The following LILRA6 variants were observed in gnomAD, a reference collection of about 807,000 sequenced individuals.
LILRA6 encodes leukocyte immunoglobulin-like receptor subfamily A member 6.
In LILRA6, 16 loss-of-function variants were observed where a neutral mutation model predicts 53.9. That is an observed-to-expected ratio of 0.30 (90% CI 0.20 to 0.45). The LOEUF (loss-of-function observed/expected upper bound fraction) is 0.45, where lower values mean the gene tolerates loss of function less well. Among genes scored for constraint, LILRA6 ranks in the 20% least tolerant of loss-of-function variants. LILRA6 has a pLI of 1.00. For synonymous variants in LILRA6, 135 were observed against 256.4 expected (o/e 0.53, Z 4.52); for missense variants, 306 against 618.6 (o/e 0.49, Z 5.36).
downstream of LILRA6, chr19:54,237,420 G>A (rs2078653094): frequency 6.6e-6 from 1 of 150,738 alleles, no homozygotes; most frequent in African/African-American, 2.5e-5. Flanking sequence ...AACCTTTATT[G>A]GATCGTTACA....
exon 3 of LILRA6, chr19:54,242,175 C>A (rs620207): frequency 0.53 from 694,640 of 1,306,374 alleles, 169,114 homozygotes; most frequent in South Asian, 0.57. Flanking sequence ...ATTTCTGTCC[C>A]AGGGCTCTGG....
exon 4 of LILRA6, chr19:54,241,745 G>T (rs780135080): frequency 6.9e-7 from 1 of 1,453,254 alleles, no homozygotes. Flanking sequence ...GGGTCCGGGG[G>T]AGCTGGTGTT....
rs1468250082 is a variant in LILRA6 at position 54,241,798 on chromosome 19, A to G, written c.436T>C (p.Ser146Pro). Residue 146 changes from serine to proline, a missense_variant, in exon 4 of 8, where the codon TCA becomes CCA. Physicochemically the swap from Ser to Pro is moderately conservative, Grantham distance 74. This residue lies in a region of LILRA6 where 35 missense variants were observed against 39.5 expected (regional missense o/e 0.89). Coordinates refer to ENST00000396365, the Ensembl canonical transcript of LILRA6. ...ACAAAATGGTGATATCCCTTCTGTG[A>G]GCCACATTGGAGGGTCATATTCCCC... 8 of 1,331,026 alleles carry G rather than the reference A, an allele frequency of 6.0e-6. No homozygotes were observed. The East Asian group carries it at 1.8e-4, about 31-fold the overall frequency. 82.5% of individuals were successfully genotyped at this position (1,331,026 alleles called of 1,614,324 possible).
intron 7 of LILRA6, 37 bp downstream of exon 7, chr19:54,239,864 G>C: frequency 6.4e-7 from 1 of 1,551,560 alleles, no homozygotes; most frequent in South Asian, 1.2e-5. Context: ...ACTGCCCTGG[G>C]GGAGGCGGCG....
Position 54,239,324 on chromosome 19 carries a change from T to C in LILRA6, c.1310-235A>G. ...GCCTCTCCCCTGGGCTCTGCGTTCT[T>C]ATTCTTCCAGGCCTCATGACGTGGC... On this transcript the variant is annotated intron_variant, in intron 7 of 7. Coordinates refer to ENST00000396365, the Ensembl canonical transcript of LILRA6. 4 of 1,330,042 alleles carry C rather than the reference T, an allele frequency of 3.0e-6. 1 individual carries two copies. Among genetic ancestry groups the C allele is most frequent in the East Asian group, 5.1e-5 (2 of 39,220 alleles). The allele number at this position is 1,330,042 out of a possible 1,614,324, so 82.4% of individuals were successfully genotyped here.
Position 54,241,706 on chromosome 19 carries a change from C to T in LILRA6, c.528G>A (p.Gly176=), listed in dbSNP as rs762415153. 9.3e-6 allele frequency: 14 copies of T among 1,502,086 alleles called. 1 individual carries two copies. Among genetic ancestry groups the T allele is most frequent in the Non-Finnish European group, 1.3e-5 (14 of 1,109,822 alleles). The allele number at this position is 1,502,086 out of a possible 1,614,324, so 93.0% of individuals were successfully genotyped here. A position where few individuals can be genotyped will look rare whatever the true frequency, so the allele number is the denominator to read the frequency against. Residue 176 remains glycine, a synonymous_variant, in exon 4 of 8, where the codon GGG becomes GGA. Coordinates refer to ENST00000396365, the Ensembl canonical transcript of LILRA6. Reference sequence around the variant, plus strand: ...GGCCCACAGGGAACAGGGCCTGGAACCCCCCACTGTGGAGCTGCTGTGAGT... The same window carrying T: ...GGCCCACAGGGAACAGGGCCTGGAATCCCCCACTGTGGAGCTGCTGTGAGT...
chr19:54,242,561 G>C lies in LILRA6; in HGVS notation c.35-7C>G, dbSNP rs780467214. 3.7e-6 allele frequency: 4 copies of C among 1,079,692 alleles called. No individual in the cohort carries two copies. The African/African-American group carries it at 7.7e-5, about 21-fold the overall frequency. The allele number at this position is 1,079,692 out of a possible 1,614,324, so 66.9% of individuals were successfully genotyped here. ...CTGGGGCCCAGACTCAGCCCTGGAAGAGAATTCCCTGTGAGGCATTTGCCC... is the reference window on the plus strand; with the variant it reads ...CTGGGGCCCAGACTCAGCCCTGGAACAGAATTCCCTGTGAGGCATTTGCCC... On this transcript the variant is annotated splice_region_variant and splice_polypyrimidine_tract_variant and intron_variant, in intron 1 of 7. Coordinates refer to ENST00000396365, the Ensembl canonical transcript of LILRA6.
At position 54,240,302 on chromosome 19, in the gene LILRA6, G is replaced by A. The variant is rs1456243783; in HGVS notation, c.1230C>T (p.Pro410=). 3.1e-6 allele frequency: 5 copies of A among 1,603,584 alleles called. No individual in the cohort carries two copies. The Admixed American group carries it at 6.7e-5, about 21-fold the overall frequency. ...AGACCATGAGTTCCAGGGGCTCACT[G>A]GGGAAAGACAGCAGGTGGGGGTTGG... The change falls in exon 6 of 8, where the codon CCC becomes CCT. Residue 410 remains proline (P), a synonymous_variant. Transcript: ENST00000396365.
intron 7 of LILRA6, 151 bp from the exon 8 acceptor site, chr19:54,239,240 T>G: frequency 6.5e-7 from 1 of 1,539,928 alleles, no homozygotes. Flanking sequence ...TGTTTTGTGA[T>G]GGGGTGAGGG....
In LILRA6 at chr19:54,238,562, C is replaced by T. The variant is rs1162188652; in HGVS notation, c.*391G>A. On this transcript the variant is annotated 3_prime_UTR_variant, in exon 8 of 8. Coordinates refer to ENST00000396365, the Ensembl canonical transcript of LILRA6. ...ATAGGCTGTAGATTTTGTTCCAGAA[C>T]CTCCTGGGATCATCAGATTGAACAC... The T allele has an allele frequency of 1.4e-5, 3 of 213,392 alleles. 1 individual carries two copies. The highest frequency in any genetic ancestry group is 2.4e-5 in the African/African-American group (1 of 42,446). 13.2% of individuals were successfully genotyped at this position (213,392 alleles called of 1,614,324 possible).
Position 54,242,033 on chromosome 19 carries a change from CA to C in LILRA6, c.347del (p.Val116GlyfsTer2). 7.0e-7 allele frequency: 1 copy of C among 1,419,912 alleles called. No individual in the cohort carries two copies. Among genetic ancestry groups the C allele is most frequent in the Non-Finnish European group, 9.6e-7 (1 of 1,047,026 alleles). The allele number at this position is 1,419,912 out of a possible 1,614,324, so 88.0% of individuals were successfully genotyped here. A position where few individuals can be genotyped will look rare whatever the true frequency, so the allele number is the denominator to read the frequency against. On this transcript the variant is annotated frameshift_variant, in exon 3 of 8. Transcript: ENST00000396365. LOFTEE classifies it high-confidence loss of function. ...CCCAGAGTGTCCTCTCACCTGTCAT[CA>C]CCAGCTCCAGGGGGTCGCTGGGCTC... is the stretch of plus-strand genomic sequence containing the variant.
At position 54,241,621 on chromosome 19, in the gene LILRA6, G is replaced by T. The variant is rs1052973; in HGVS notation, c.613C>A (p.Arg205=). Residue 205 remains arginine (R), a synonymous_variant, in exon 4 of 8, where the codon CGG becomes AGG. Transcript: ENST00000396365. ...GGGTCACTGGGGTGGGACCACACCC[G>T]GGGGGTGTTCATATAATAGTAATAG... 2.4e-4 allele frequency: 354 copies of T among 1,487,786 alleles called. 2 individuals carry two copies. In the South Asian group the frequency reaches 3.0e-3, roughly 13 times the overall value. The allele number at this position is 1,487,786 out of a possible 1,614,324, so 92.2% of individuals were successfully genotyped here. A position where few individuals can be genotyped will look rare whatever the true frequency, so the allele number is the denominator to read the frequency against.
At chr19:54,237,580 G>C (rs975901486), downstream of LILRA6, 1 of 151,174 alleles carries the variant, frequency 6.6e-6, no homozygotes, top group African/African-American at 2.5e-5. Flanking sequence ...GCGTCCAGTG[G>C]TCCTTGGAGT....
intron 7 of LILRA6, chr19:54,239,296 C>T: frequency 6.9e-7 from 1 of 1,440,746 alleles, no homozygotes. Flanking sequence ...GAGCCCTGAG[C>T]CAGCCTCTCC....
intron 5 of LILRA6, 114 bp from the exon 6 acceptor site, chr19:54,240,690 C>G (rs2078733878): frequency 6.4e-7 from 1 of 1,564,390 alleles, no homozygotes; most frequent in African/African-American, 1.4e-5. Flanking sequence ...CTGAGTCTCG[C>G]CTCCCCGCCC....
At chr19:54,237,531 A>T (rs1342612225), downstream of LILRA6, 1 of 151,034 alleles carries the variant, frequency 6.6e-6, no homozygotes, top group Non-Finnish European at 1.5e-5. Flanking sequence ...CTCGAAGTGG[A>T]TTGAGGGTCA....
At chr19:54,238,136 C>A (rs1361025053), downstream of LILRA6, 1 of 150,322 alleles carries the variant, frequency 6.7e-6, no homozygotes, top group Non-Finnish European at 1.5e-5. Context: ...CTCCCAGGTT[C>A]AAGCAATTCT....
Position 54,239,115 on chromosome 19 carries a change from C to T in LILRA6, c.1310-26G>A, listed in dbSNP as rs760642028. 5.6e-6 allele frequency: 9 copies of T among 1,610,630 alleles called. No homozygotes were observed. The Admixed American group carries it at 1.0e-4, about 18-fold the overall frequency. On this transcript the variant is annotated intron_variant, in intron 7 of 7. Transcript: ENST00000396365. ...CTGGGGATGGTGGGCAAAGAGGTCA[C>T]AGAGGTCCGGGCAGATCAACTTCAC...
At chr19:54,239,228 C>CT in intron 7 of LILRA6, 139 bp from the exon 8 acceptor site, 1 of 1,546,436 alleles carries the variant, frequency 6.5e-7, no homozygotes, top group Non-Finnish European at 8.7e-7. Flanking sequence ...AACTGTCTGA[C>CT]TTGTTTTGTG....
Sources: allele counts gnomAD v4.1 joint callset, GRCh38; gene constraint gnomAD v4.1.1; regional missense constraint gnomAD v4.1.1; transcripts MANE v1.5; gene names NCBI Gene and HGNC (gene_info 2026-07-23, HGNC 2026-07-21).